Variants in ARL15 observed in about 807,000 individuals in gnomAD.
ARL15 encodes the protein ARF like GTPase 15, also known as ADP-ribosylation factor-like protein 15.
A neutral mutation model predicts 25.2 loss-of-function variants in ARL15; 19 were observed. The observed-to-expected ratio is 0.75, with a 90% CI of 0.53 to 1.10. The LOEUF is 1.10. ARL15 is among the 50% of genes least tolerant of loss of function. The probability of loss-of-function intolerance (pLI) is 0.00; values close to 1 mark genes in which losing one functional copy is unlikely to be tolerated. For missense variants in ARL15, 220 were observed against 246.0 expected (o/e 0.89, Z 0.71); for synonymous variants, 94 against 86.8 (o/e 1.08, Z -0.46).
chr5:53,973,622 T>C (rs1001095764), intron 4 of ARL15, among the ~76,000 whole-genome samples: 1 of 148,798 alleles, frequency 6.7e-6, no homozygotes, highest in African/African-American at 2.5e-5. Context: ...CATGTACCTA[T>C]AGTCTTTGCT....
At chr5:54,285,462 C>T (rs1249560389) in intron 1 of ARL15, 1 of 343,026 alleles carries the variant, frequency 2.9e-6, no homozygotes, top group African/African-American at 2.2e-5. Context: ...AAAATGGTAT[C>T]AAGGTATAAT....
chr5:54,154,445 A>C (rs1754159824), intron 3 of ARL15, 135 bp downstream of exon 3: 1 of 607,638 alleles, frequency 1.6e-6, no homozygotes, highest in South Asian at 2.3e-5. Flanking sequence ...AAATATTTCT[A>C]GGAAATATAT....
chr5:54,012,526 CT>C (rs1311444885), intron 4 of ARL15, among the ~76,000 whole-genome samples: 296 of 140,722 alleles, frequency 2.1e-3, no homozygotes, highest in Admixed American at 2.5e-3. Flanking sequence ...TATTTCTTTT[CT>C]TTTTTTTTTT....
At chr5:53,938,767 C>T (rs988512734) in intron 4 of ARL15, among the ~76,000 whole-genome samples, 8 of 152,184 alleles carry the variant, frequency 5.3e-5, no homozygotes, top group Non-Finnish European at 1.2e-4. Context: ...TCGCTTGAAC[C>T]TGGGAGGTAG....
At chr5:54,081,185 T>C (rs1024056819) in intron 4 of ARL15, among the ~76,000 whole-genome samples, 26 of 152,232 alleles carry the variant, frequency 1.7e-4, no homozygotes, top group African/African-American at 6.0e-4. Flanking sequence ...ATGTCATTCA[T>C]GAAAGTATGC....
At chr5:53,899,347 CAAAAAAAAAAAAAAAAAA>C (rs59145507) in intron 4 of ARL15, among the ~76,000 whole-genome samples, 34,480 of 88,222 alleles carry the variant, frequency 0.39, 6,609 homozygotes, top group East Asian at 0.43. Flanking sequence ...GACTCTATCC[CAAAAAAAAAAAAAAAAAA>C]AAAAAAAAAA....
chr5:54,028,225 T>C (rs1749851000), intron 4 of ARL15, among the ~76,000 whole-genome samples: 1 of 152,158 alleles, frequency 6.6e-6, no homozygotes, highest in Non-Finnish European at 1.5e-5. Flanking sequence ...CCGGTGACAA[T>C]ATTTCTGTTT....
intron 2 of ARL15, among the ~76,000 whole-genome samples, chr5:54,158,128 A>G (rs1232128826): frequency 6.6e-6 from 1 of 152,170 alleles, no homozygotes; most frequent in Non-Finnish European, 1.5e-5. Context: ...TTTAGGAGGG[A>G]TACCAAAGGT....
At chr5:53,973,700 C>G (rs2112191001) in intron 4 of ARL15, among the ~76,000 whole-genome samples, 1 of 151,842 alleles carries the variant, frequency 6.6e-6, no homozygotes, top group South Asian at 2.1e-4. Context: ...GATTGCGCCA[C>G]TGTACTCCAG....
At chr5:53,992,873 C>T (rs1748550327) in intron 4 of ARL15, among the ~76,000 whole-genome samples, 2 of 152,160 alleles carry the variant, frequency 1.3e-5, no homozygotes, top group South Asian at 4.1e-4. Context: ...ATGGAGAAAC[C>T]CTGTCTCTAC....
At chr5:54,212,057 C>T (rs1756059112) in intron 1 of ARL15, among the ~76,000 whole-genome samples, 1 of 152,042 alleles carries the variant, frequency 6.6e-6, no homozygotes, top group African/African-American at 2.4e-5. Flanking sequence ...ACCTAAAGGG[C>T]CAGAGAGTAA....
At chr5:53,916,339 C>A (rs1745645455) in intron 4 of ARL15, among the ~76,000 whole-genome samples, 1 of 147,218 alleles carries the variant, frequency 6.8e-6, no homozygotes, top group South Asian at 2.2e-4. Flanking sequence ...ACGATAGACA[C>A]CAGGGCTTAC....
chr5:53,975,173 C>G (rs1213039333), intron 4 of ARL15, among the ~76,000 whole-genome samples: 1 of 152,102 alleles, frequency 6.6e-6, no homozygotes, highest in Non-Finnish European at 1.5e-5. Context: ...TAAGTATTTC[C>G]ATCTTTTTCT....
chr5:54,003,941 A>T (rs1466632324), intron 4 of ARL15, among the ~76,000 whole-genome samples: 4 of 152,198 alleles, frequency 2.6e-5, no homozygotes, highest in African/African-American at 7.2e-5. Flanking sequence ...AGAGTATTAA[A>T]AGGAATCTTT....
chr5:54,058,383 A>C (rs1484235962), intron 4 of ARL15, among the ~76,000 whole-genome samples: 2 of 152,150 alleles, frequency 1.3e-5, no homozygotes, highest in Non-Finnish European at 2.9e-5. Flanking sequence ...ACATGAATTA[A>C]GTATTAAATA....
At chr5:53,913,054 C>T (rs1446690316) in intron 4 of ARL15, among the ~76,000 whole-genome samples, 15 of 152,176 alleles carry the variant, frequency 9.9e-5, no homozygotes, top group Admixed American at 9.8e-4. Context: ...AATCCCAGCA[C>T]TTTCGGAGGC....
chr5:54,270,882 T>A (rs566757306), intron 1 of ARL15, among the ~76,000 whole-genome samples: 2 of 152,234 alleles, frequency 1.3e-5, no homozygotes, highest in East Asian at 3.9e-4. Flanking sequence ...GCGGACTAGG[T>A]GGGGAAGATC....
chr5:54,001,781 G>A (rs7735253), intron 4 of ARL15, among the ~76,000 whole-genome samples: 41,966 of 152,068 alleles, frequency 0.28, 6,035 homozygotes, highest in East Asian at 0.46. Flanking sequence ...ATCCTTAAAT[G>A]CTTATCTCAA....
intron 4 of ARL15, among the ~76,000 whole-genome samples, chr5:53,959,925 C>T (rs1561166359): frequency 6.6e-6 from 1 of 151,982 alleles, no homozygotes. Flanking sequence ...AAGACAGGAG[C>T]ATGGCTTGTC....
Sources: gnomAD v4.1 joint callset for allele counts (sites outside exome capture counted in the v4.1 genomes callset) on GRCh38, gnomAD v4.1.1 for gene constraint, MANE v1.5 for transcripts, NCBI Gene and HGNC (gene_info 2026-07-23, HGNC 2026-07-21) for gene names.